GLT1D1: variants seen among roughly 807,000 people sequenced by gnomAD.
GLT1D1 encodes the protein glycosyltransferase 1 domain-containing protein 1.
A neutral mutation model predicts 28.7 loss-of-function variants in GLT1D1; 21 were observed. The ratio of observed to expected loss-of-function variants is 0.73; its 90% CI spans 0.52 to 1.05. The LOEUF is 1.05. GLT1D1 is among the 50% of genes least tolerant of loss of function. The pLI is 0.00. For synonymous variants in GLT1D1, 147 were observed against 124.8 expected, an observed-to-expected ratio of 1.18 and a Z score of -1.19; for missense variants, 343 against 330.6, an observed-to-expected ratio of 1.04 and a Z score of -0.29.
At chr12:128,916,244 T>C (rs1024810979) in intron 4 of GLT1D1, among the ~76,000 whole-genome samples, 6 of 152,232 alleles carry the variant, frequency 3.9e-5, no homozygotes, top group African/African-American at 1.4e-4. Flanking sequence ...ATTCCATATA[T>C]CACAAATTGT....
At chr12:128,903,718 G>A (rs524380) in intron 4 of GLT1D1, among the ~76,000 whole-genome samples, 78,062 of 151,126 alleles carry the variant, frequency 0.52, 20,860 homozygotes, top group East Asian at 0.61. Context: ...GAACCTTTTG[G>A]TTTTTTTAAA....
At chr12:128,871,809 T>A (rs954294368) in intron 1 of GLT1D1, among the ~76,000 whole-genome samples, 1 of 152,178 alleles carries the variant, frequency 6.6e-6, no homozygotes, top group Non-Finnish European at 1.5e-5. Context: ...CACCTGGTGT[T>A]CAGCTGAATA....
intron 4 of GLT1D1, among the ~76,000 whole-genome samples, chr12:128,924,341 T>C (rs1448134550): frequency 6.6e-6 from 1 of 150,918 alleles, no homozygotes; most frequent in Non-Finnish European, 1.5e-5. Flanking sequence ...GGATGAGAAT[T>C]GCTTGAACCG....
Position 128,876,020 on chromosome 12 carries a change from G to A in GLT1D1, c.175G>A (p.Ala59Thr). The A allele has an allele frequency of 6.2e-7, 1 of 1,613,838 alleles. No homozygotes were observed. Among genetic ancestry groups the A allele is most frequent in the Non-Finnish European group, 8.5e-7 (1 of 1,179,818 alleles). Residue 59 changes from alanine to threonine, a missense_variant, in exon 2 of 8, where the codon GCC becomes ACC. Transcript: ENST00000281703. ...CATCTTGGCTGAGAACTGCGAGGCT[G>A]CCCTGGCTCTTCATCTCTATAGGGG...
chr12:128,930,462 G>C (rs946662066), intron 4 of GLT1D1: 1 of 152,230 alleles, frequency 6.6e-6, no homozygotes. Flanking sequence ...TTCACAAAAA[G>C]TATAAGCAGT....
chr12:128,899,380 C>A, intron 4 of GLT1D1, 93 bp downstream of exon 4: 3 of 1,041,542 alleles, frequency 2.9e-6, no homozygotes, highest in South Asian at 1.3e-5. Context: ...TGACAGTGTT[C>A]CCATGGACGG....
intron 7 of GLT1D1, among the ~76,000 whole-genome samples, chr12:128,982,350 C>T (rs188163651): frequency 6.6e-5 from 10 of 152,172 alleles, no homozygotes; most frequent in African/African-American, 1.7e-4. Context: ...AAAGTGAGGT[C>T]GTTCAGAAGA....
chr12:128,910,880 T>A (rs1221249247), intron 4 of GLT1D1, among the ~76,000 whole-genome samples: 1 of 152,140 alleles, frequency 6.6e-6, no homozygotes, highest in Non-Finnish European at 1.5e-5. Flanking sequence ...AATGCGATGC[T>A]AAGGACAAAA....
In GLT1D1 at chr12:128,888,675, C is replaced by A. The variant is rs368010565; in HGVS notation, c.254C>A (p.Thr85Asn). ...CCTTTTGGAGTCATCTTTGGTGGAACTGATGTAAATGAAGATGCCAACCAG... is the reference window on the plus strand; with the variant it reads ...CCTTTTGGAGTCATCTTTGGTGGAAATGATGTAAATGAAGATGCCAACCAG... The change falls in exon 3 of 8, where the codon ACT becomes AAT. Residue 85 changes from threonine (T) to asparagine (N), a missense_variant. Thr to Asn is a moderately conservative substitution (Grantham distance 65). Transcript: ENST00000281703. 34 of 1,613,602 alleles carry A rather than the reference C, an allele frequency of 2.1e-5. No individual in the cohort carries two copies. The highest frequency in any genetic ancestry group is 2.7e-5 in the Non-Finnish European group (32 of 1,179,758).
At chr12:128,890,697 A>G (rs1314089731) in intron 3 of GLT1D1, among the ~76,000 whole-genome samples, 2 of 150,348 alleles carry the variant, frequency 1.3e-5, no homozygotes, top group African/African-American at 4.9e-5. Flanking sequence ...AGGCAGAAGA[A>G]TCACTTTAAC....
At chr12:128,938,207 T>C (rs572821867) in intron 4 of GLT1D1, among the ~76,000 whole-genome samples, 25 of 152,278 alleles carry the variant, frequency 1.6e-4, no homozygotes, top group Middle Eastern at 6.8e-3. Context: ...AAAAGGCGGG[T>C]AATGATAACC....
intron 6 of GLT1D1, 51 bp from the exon 11 acceptor site, chr12:128,957,494 G>GAGCA: frequency 7.9e-7 from 1 of 1,271,390 alleles, no homozygotes; most frequent in African/African-American, 1.5e-5. Flanking sequence ...TCTTGCCGCA[G>GAGCA]AGGCTCTTGA....
chr12:128,883,588 TCA>T (rs1491553864), intron 2 of GLT1D1, among the ~76,000 whole-genome samples: 4 of 91,118 alleles, frequency 4.4e-5, no homozygotes, highest in African/African-American at 2.1e-4. Flanking sequence ...AGACTCCATC[TCA>T]AAAAAAAAAA....
chr12:128,911,356 A>G (rs777980573), intron 4 of GLT1D1, among the ~76,000 whole-genome samples: 10 of 152,170 alleles, frequency 6.6e-5, no homozygotes, highest in Non-Finnish European at 1.2e-4. Flanking sequence ...CTTGTGTCCC[A>G]AAATATAAAA....
At chr12:128,876,764 T>C (rs1956880276) in intron 2 of GLT1D1, among the ~76,000 whole-genome samples, 1 of 152,234 alleles carries the variant, frequency 6.6e-6, no homozygotes, top group Admixed American at 6.5e-5. Context: ...TTTGAGCAAC[T>C]GGAGTTTAAA....
At chr12:128,975,765 T>G (rs1879712444) in intron 7 of GLT1D1, among the ~76,000 whole-genome samples, 1 of 152,224 alleles carries the variant, frequency 6.6e-6, no homozygotes, top group South Asian at 2.1e-4. Context: ...TAATGGCTGT[T>G]TTTGATACTT....
intron 6 of GLT1D1, among the ~76,000 whole-genome samples, chr12:128,948,985 C>G (rs66951466): frequency 0.096 from 14,652 of 152,230 alleles, 807 homozygotes; most frequent in East Asian, 0.14. Flanking sequence ...CGTGATCATC[C>G]TCAGCCAGAT....
At chr12:128,869,708 T>C (rs1280492813) in intron 1 of GLT1D1, among the ~76,000 whole-genome samples, 1 of 152,124 alleles carries the variant, frequency 6.6e-6, no homozygotes, top group Non-Finnish European at 1.5e-5. Flanking sequence ...CCCAGGTGGC[T>C]TTCTTTATCT....
At chr12:128,961,515 G>A (rs544785563) in intron 7 of GLT1D1, among the ~76,000 whole-genome samples, 94 of 152,324 alleles carry the variant, frequency 6.2e-4, no homozygotes, top group African/African-American at 2.2e-3. Context: ...TTATGGCAAC[G>A]TGGTTGGAAC....
Sources: allele counts gnomAD v4.1 joint callset (sites outside exome capture counted in the v4.1 genomes callset), GRCh38; gene constraint gnomAD v4.1.1; transcripts MANE v1.5; gene names NCBI Gene and HGNC (gene_info 2026-07-23, HGNC 2026-07-21).